The following TMTC1 variants were observed in gnomAD, a reference collection of about 807,000 sequenced individuals.
TMTC1 encodes the protein transmembrane O-mannosyltransferase targeting cadherins 1, also known as protein O-mannosyl-transferase TMTC1.
TMTC1 carries 73 observed loss-of-function variants against 104.8 expected under a neutral mutation model. The observed-to-expected ratio is 0.70, with a 90% CI of 0.58 to 0.85. The LOEUF is 0.85. TMTC1 is among the 40% of genes least tolerant of loss of function. The pLI is 0.00. For missense variants in TMTC1, 1,035 were observed against 1,096.1 expected (o/e 0.94, Z 0.79); for synonymous variants, 434 against 428.7 (o/e 1.01, Z -0.15).
chr12:29,692,736 C>G (rs1231627277), intron 5 of TMTC1, among the ~76,000 whole-genome samples: 1 of 145,152 alleles, frequency 6.9e-6, no homozygotes, highest in African/African-American at 2.5e-5. Flanking sequence ...TGAAAACCAT[C>G]CAAATGTCCA....
intron 11 of TMTC1, among the ~76,000 whole-genome samples, chr12:29,525,158 C>CTTTTTTTTT (rs56395403): frequency 2.2e-5 from 1 of 46,160 alleles, no homozygotes; most frequent in East Asian, 7.2e-4. Flanking sequence ...CAAGGGCAGT[C>CTTTTTTTTT]TTTTTTTTTT....
At chr12:29,690,602 T>G (rs1233320387) in intron 5 of TMTC1, among the ~76,000 whole-genome samples, 1 of 152,240 alleles carries the variant, frequency 6.6e-6, no homozygotes, top group African/African-American at 2.4e-5. Context: ...CATTTTTATA[T>G]GTAAATTTAT....
intron 7 of TMTC1, among the ~76,000 whole-genome samples, chr12:29,597,656 T>TA (rs2136378175): frequency 6.6e-6 from 1 of 150,922 alleles, no homozygotes; most frequent in Admixed American, 6.6e-5. Flanking sequence ...GCATAAAGCT[T>TA]AAAGTTTAAG....
chr12:29,644,111 A>ATTTG (rs757885865), intron 5 of TMTC1, among the ~76,000 whole-genome samples: 1 of 74,462 alleles, frequency 1.3e-5, no homozygotes, highest in Non-Finnish European at 2.5e-5. Flanking sequence ...ATAAATATAT[A>ATTTG]TGTGTGTGTG....
intron 5 of TMTC1, among the ~76,000 whole-genome samples, chr12:29,655,577 G>A (rs558170296): frequency 1.9e-4 from 29 of 152,256 alleles, no homozygotes; most frequent in Non-Finnish European, 3.5e-4. Flanking sequence ...TACTGTGAAT[G>A]TCACATAATC....
At chr12:29,725,704 A>T (rs549120364) in intron 5 of TMTC1, among the ~76,000 whole-genome samples, 1 of 152,336 alleles carries the variant, frequency 6.6e-6, no homozygotes, top group Admixed American at 6.5e-5. Flanking sequence ...CCAGTAATGA[A>T]GTTTTTGACA....
intron 7 of TMTC1, among the ~76,000 whole-genome samples, chr12:29,599,690 A>T (rs78934492): frequency 0.047 from 7,168 of 152,214 alleles, 577 homozygotes; most frequent in African/African-American, 0.16. Flanking sequence ...TGTGTGAGCA[A>T]CTAAAGCTAG....
intron 15 of TMTC1, 40 bp downstream of exon 15, chr12:29,516,309 C>T (rs1266742098): frequency 1.3e-6 from 2 of 1,587,064 alleles, no homozygotes; most frequent in East Asian, 2.3e-5. Flanking sequence ...CCATGTTTAA[C>T]CTATGAATCC....
At chr12:29,746,637 T>C (rs185756361) in intron 5 of TMTC1, among the ~76,000 whole-genome samples, 16 of 152,334 alleles carry the variant, frequency 1.1e-4, no homozygotes, top group South Asian at 2.1e-4. Context: ...CATTTTATCA[T>C]TGAAGGTCAA....
At position 29,695,793 on chromosome 12, in the gene TMTC1, T is replaced by TATATATA. The variant is rs1555188366; in HGVS notation, c.938+55872_938+55873insTATATAT. Reference sequence around the variant, plus strand: ...TCACAAATTTTAAACTACTTCCTTTTTATATATATATATATATATATATAT... The same window carrying TATATATA: ...TCACAAATTTTAAACTACTTCCTTTTATATATATATATATATATATATATATATATAT... On this transcript the variant is annotated intron_variant, in intron 5 of 17. Coordinates refer to ENST00000539277, the MANE Select transcript of TMTC1 (RefSeq NM_001193451.2). 3.5e-3 allele frequency among the ~76,000 whole-genome samples: 293 copies of TATATATA among 83,636 alleles called. 4 individuals carry two copies. The highest frequency in any genetic ancestry group is 7.9e-3 in the Middle Eastern group (1 of 126). 54.9% of individuals were successfully genotyped at this position (83,636 alleles called of 152,430 possible). A position where few individuals can be genotyped will look rare whatever the true frequency, so the allele number is the denominator to read the frequency against.
intron 9 of TMTC1, among the ~76,000 whole-genome samples, chr12:29,570,829 G>A (rs1220960847): frequency 1.5e-4 from 1 of 6,574 alleles, no homozygotes; most frequent in Non-Finnish European, 6.5e-4. Context: ...GGGTGACAGA[G>A]CGAGAGACTC....
intron 5 of TMTC1, among the ~76,000 whole-genome samples, chr12:29,680,102 T>G (rs1940863392): frequency 6.6e-6 from 1 of 152,164 alleles, no homozygotes; most frequent in South Asian, 2.1e-4. Context: ...ATTACGCTGG[T>G]GTCGTTAGGA....
intron 7 of TMTC1, among the ~76,000 whole-genome samples, chr12:29,601,193 C>T (rs1370086993): frequency 5.3e-5 from 8 of 152,084 alleles, no homozygotes; most frequent in Non-Finnish European, 2.9e-5. Context: ...TGGGAAAAGC[C>T]GGAGCTGGCA....
intron 5 of TMTC1, among the ~76,000 whole-genome samples, chr12:29,684,086 C>A (rs1022138765): frequency 6.6e-6 from 1 of 152,184 alleles, no homozygotes; most frequent in Non-Finnish European, 1.5e-5. Flanking sequence ...TCAAGCAATC[C>A]GCCTGCCTTG....
intron 5 of TMTC1, among the ~76,000 whole-genome samples, chr12:29,652,793 G>A (rs1939582867): frequency 6.6e-6 from 1 of 152,212 alleles, no homozygotes; most frequent in Non-Finnish European, 1.5e-5. Flanking sequence ...TGGGCACAGT[G>A]GCTCACGCCT....
chr12:29,604,289 T>C lies in TMTC1; in HGVS notation c.1139A>G (p.His380Arg). 6.2e-7 allele frequency: 1 copy of C among 1,614,002 alleles called. No homozygotes were observed. Among genetic ancestry groups the C allele is most frequent in the Non-Finnish European group, 8.5e-7 (1 of 1,179,852 alleles). Residue 380 changes from histidine to arginine, a missense_variant, in exon 7 of 18, where the codon CAC (histidine) becomes CGC (arginine). Transcript: ENST00000539277. ...HCLAAFKRLE[H>R]KEVLVGLLFL... ...CAACAAGCCGACTAAAACCTCCTTG[T>C]GCTCCAGTCTCTGAAACACACAATA... is the stretch of plus-strand genomic sequence containing the variant.
intron 6 of TMTC1, among the ~76,000 whole-genome samples, chr12:29,626,519 T>C (rs1434170387): frequency 6.6e-6 from 1 of 152,180 alleles, no homozygotes; most frequent in Non-Finnish European, 1.5e-5. Context: ...AGATGGTTAC[T>C]TTAAAATAAG....
chr12:29,573,136 G>C (rs1020392591), intron 8 of TMTC1, among the ~76,000 whole-genome samples: 1 of 152,070 alleles, frequency 6.6e-6, no homozygotes, highest in African/African-American at 2.4e-5. Flanking sequence ...TGTGTTGAAA[G>C]GAAAACACAT....
At chr12:29,627,386 C>G (rs1168637944) in intron 6 of TMTC1, among the ~76,000 whole-genome samples, 1 of 152,104 alleles carries the variant, frequency 6.6e-6, no homozygotes, top group Non-Finnish European at 1.5e-5. Context: ...TAAGGAAATG[C>G]AAATCACAAC....
Sources: gnomAD v4.1 joint callset for allele counts (sites outside exome capture counted in the v4.1 genomes callset) on GRCh38, gnomAD v4.1.1 for gene constraint, MANE v1.5 for transcripts, NCBI Gene and HGNC (gene_info 2026-07-23, HGNC 2026-07-21) for gene names.